Variants in MRC1 observed in about 807,000 individuals in gnomAD.
The protein encoded by MRC1 is mannose receptor C-type 1.
MRC1 carries 62 observed loss-of-function variants against 102.9 expected under a neutral mutation model. The ratio of observed to expected loss-of-function variants is 0.60; its 90% CI spans 0.49 to 0.74. MRC1 has a LOEUF of 0.74. MRC1 is among the 30% of genes least tolerant of loss of function. The pLI is 0.00. For synonymous variants in MRC1, 457 were observed against 298.4 expected (o/e 1.53, Z -5.48); for missense variants, 1,237 against 862.8 (o/e 1.43, Z -5.43).
At chr10:17,897,057 A>T (rs1255719466) in intron 23 of MRC1, among the ~76,000 whole-genome samples, 1 of 152,240 alleles carries the variant, frequency 6.6e-6, no homozygotes, top group Non-Finnish European at 1.5e-5. Flanking sequence ...GCTGTGTTCC[A>T]GTAAGACTTT....
chr10:17,868,942 AC>A (rs1833317169), intron 12 of MRC1, among the ~76,000 whole-genome samples: 1 of 152,328 alleles, frequency 6.6e-6, no homozygotes, highest in African/African-American at 2.4e-5. Flanking sequence ...ACCTCTGGAA[AC>A]TTTTGAGTTA....
chr10:17,828,361 C>A (rs1316393142), intron 3 of MRC1, among the ~76,000 whole-genome samples: 1 of 151,502 alleles, frequency 6.6e-6, no homozygotes, highest in East Asian at 1.9e-4. Flanking sequence ...AGGCATGAGC[C>A]GGCGCGCCCG....
intron 8 of MRC1, 40 bp from the exon 9 acceptor site, chr10:17,856,202 G>GATAAT: frequency 1.3e-6 from 1 of 790,920 alleles, no homozygotes; most frequent in Non-Finnish European, 2.2e-6. Context: ...TCCCCAAACT[G>GATAAT]ATAATCCTTT....
chr10:17,840,894 C>G (rs1340112985), intron 5 of MRC1, 88 bp downstream of exon 5: 25 of 777,622 alleles, frequency 3.2e-5, no homozygotes, highest in Middle Eastern at 2.6e-4. Flanking sequence ...CTGTTGATCT[C>G]AAAGAGAAGA....
intron 15 of MRC1, among the ~76,000 whole-genome samples, 172 bp downstream of exon 15, chr10:17,872,298 C>T (rs1228692133): frequency 2.0e-5 from 3 of 152,074 alleles, no homozygotes; most frequent in East Asian, 3.9e-4. Flanking sequence ...GATAAATGTG[C>T]CAAAGGAACA....
At chr10:17,881,840 T>G (rs1833524492) in intron 21 of MRC1, among the ~76,000 whole-genome samples, 3 of 130,998 alleles carry the variant, frequency 2.3e-5, no homozygotes, top group East Asian at 4.4e-4. Flanking sequence ...TAAAGTTTTT[T>G]TTTTTTTTTT....
intron 9 of MRC1, among the ~76,000 whole-genome samples, chr10:17,859,537 T>C (rs1273694461): frequency 6.6e-6 from 1 of 152,124 alleles, no homozygotes; most frequent in Non-Finnish European, 1.5e-5. Context: ...AAGGTGGTCT[T>C]GAACTCCTGA....
At position 17,898,087 on chromosome 10, in the gene MRC1, T is replaced by TA; in HGVS notation, c.3305dup (p.Tyr1102Ter). ...GATTCAAACAGATGGCTTTGTTAAA[T>TA]ATGGCAAAAGCAGCTATTCACTCAT... ...ATIQTDGFVKYGKSSYSLMRQ... is the reference protein window; with the variant it reads ...ATIQTDGFVK The change falls in exon 24 of 30, where the codon TAT becomes TAAT. Residue 1102 changes from tyrosine to a stop codon, truncating the protein, a stop_gained and frameshift_variant. Transcript: ENST00000569591. LOFTEE classifies it high-confidence loss of function. 1.3e-6 allele frequency: 1 copy of TA among 780,872 alleles called. No individual in the cohort carries two copies. Among genetic ancestry groups the TA allele is most frequent in the Non-Finnish European group, 2.4e-6 (1 of 417,952 alleles). 48.4% of individuals were successfully genotyped at this position (780,872 alleles called of 1,614,324 possible). A position where few individuals can be genotyped will look rare whatever the true frequency, so the allele number is the denominator to read the frequency against.
At chr10:17,844,886 T>C (rs71497220) in intron 5 of MRC1, among the ~76,000 whole-genome samples, 18,085 of 152,236 alleles carry the variant, frequency 0.12, 1,099 homozygotes, top group Middle Eastern at 0.18. Flanking sequence ...GTTGCATCCA[T>C]GTTGCTGCAA....
At chr10:17,871,742 G>A (rs1221973213) in intron 14 of MRC1, among the ~76,000 whole-genome samples, 1 of 152,042 alleles carries the variant, frequency 6.6e-6, no homozygotes, top group Non-Finnish European at 1.5e-5. Context: ...TTTAATAAGA[G>A]TAAAGAAAAT....
At chr10:17,865,885 T>G (rs1287349001) in intron 11 of MRC1, among the ~76,000 whole-genome samples, 1 of 152,156 alleles carries the variant, frequency 6.6e-6, no homozygotes, top group Admixed American at 6.5e-5. Context: ...AGTCTAATAA[T>G]AAAAAAATTA....
chr10:17,824,140 T>G (rs1178227481), intron 2 of MRC1, among the ~76,000 whole-genome samples: 1 of 152,228 alleles, frequency 6.6e-6, no homozygotes, highest in Non-Finnish European at 1.5e-5. Flanking sequence ...CTTGACCTCT[T>G]GAAGGTTAAA....
chr10:17,864,056 G>T (rs1352221909), intron 11 of MRC1, among the ~76,000 whole-genome samples: 4 of 152,076 alleles, frequency 2.6e-5, no homozygotes, highest in Non-Finnish European at 5.9e-5. Context: ...AGGCTGGAGT[G>T]CAGTGGCGCC....
rs1227153716 is a variant in MRC1 at position 17,867,272 on chromosome 10, CTCT to C, written c.1983+520_1983+522del. Among the ~76,000 whole-genome samples the C allele has an allele frequency of 8.7e-5, 13 of 149,124 alleles. No homozygotes were observed. The East Asian group carries it at 2.0e-3, about 23-fold the overall frequency. The stretch of plus-strand genomic sequence containing the variant: ...TCCCCCTTTCCCCTTCCTCCTCCTC[CTCT>C]TCTTCTTCCTTCTTTCTTCGTTCCT... On this transcript the variant is annotated intron_variant, in intron 12 of 29. Transcript: ENST00000569591.
intron 28 of MRC1, among the ~76,000 whole-genome samples, chr10:17,908,143 G>A (rs1437452880): frequency 1.3e-5 from 2 of 152,210 alleles, no homozygotes; most frequent in African/African-American, 2.4e-5. Context: ...ACCATGAAAG[G>A]AACAGGATTG....
intron 23 of MRC1, among the ~76,000 whole-genome samples, chr10:17,897,161 C>T (rs920601747): frequency 6.6e-5 from 10 of 152,148 alleles, no homozygotes; most frequent in Non-Finnish European, 1.5e-4. Flanking sequence ...CATTTAAAAA[C>T]TTTTTCAGCT....
rs1833950236 is a variant in MRC1 at position 17,910,216 on chromosome 10, T to A, written c.4122T>A (p.Ala1374=). The A allele has an allele frequency of 1.3e-6, 1 of 780,728 alleles. No homozygotes were observed. The highest frequency in any genetic ancestry group is 1.3e-5 in the South Asian group (1 of 74,622). 48.4% of individuals were successfully genotyped at this position (780,728 alleles called of 1,614,324 possible). A position where few individuals can be genotyped will look rare whatever the true frequency, so the allele number is the denominator to read the frequency against. ...KPTHELLTTK[A]DTRKMDPSKP... is the part of the protein sequence containing the mutation. Reference sequence around the variant, plus strand: ...CATAATGATTTTATTTATTTATAGCTGACACAAGGAAGATGGACCCTTCTA... The same window carrying A: ...CATAATGATTTTATTTATTTATAGCAGACACAAGGAAGATGGACCCTTCTA... Residue 1374 remains alanine (A), a splice_region_variant and synonymous_variant, in exon 30 of 30, where the codon GCT becomes GCA. Coordinates refer to ENST00000569591, the MANE Select transcript of MRC1 (RefSeq NM_002438.4).
chr10:17,867,944 C>A (rs1833300067), intron 12 of MRC1, among the ~76,000 whole-genome samples: 1 of 152,178 alleles, frequency 6.6e-6, no homozygotes, highest in Non-Finnish European at 1.5e-5. Context: ...GGGCACATGG[C>A]TTTTCAGTGC....
intron 26 of MRC1, among the ~76,000 whole-genome samples, chr10:17,906,408 C>G (rs1833896062): frequency 6.6e-6 from 1 of 151,282 alleles, no homozygotes; most frequent in Admixed American, 6.6e-5. Flanking sequence ...TGTCTTTCCT[C>G]TTATTACCTC....
Sources: gnomAD v4.1 joint callset for allele counts (sites outside exome capture counted in the v4.1 genomes callset) on GRCh38, gnomAD v4.1.1 for gene constraint, MANE v1.5 for transcripts, NCBI Gene and HGNC (gene_info 2026-07-23, HGNC 2026-07-21) for gene names.